The following KCNMA1 variants were observed in gnomAD, a reference collection of about 807,000 sequenced individuals.
The protein encoded by KCNMA1 is potassium calcium-activated channel subfamily M alpha 1, also known as Calcium-activated potassium channel subunit alpha-1.
In KCNMA1, 29 loss-of-function variants were observed where a neutral mutation model predicts 140.0. The ratio of observed to expected loss-of-function variants is 0.21; its 90% CI spans 0.15 to 0.28. The LOEUF (loss-of-function observed/expected upper bound fraction) is 0.28, where lower values mean the gene tolerates loss of function less well. Ranked by LOEUF, KCNMA1 falls within the 10% of genes least tolerant of loss-of-function variation. The pLI is 1.00. For synonymous variants in KCNMA1, 612 were observed against 611.9 expected (o/e 1.00, Z 0.00); for missense variants, 880 against 1,602.2 (o/e 0.55, Z 7.70).
At chr10:77,581,648 C>T (rs116365514) in intron 1 of KCNMA1, among the ~76,000 whole-genome samples, 2,240 of 152,324 alleles carry the variant, frequency 0.015, 63 homozygotes, top group African/African-American at 0.051. Flanking sequence ...CAGTTGGTGG[C>T]CTGGGCCCAC....
chr10:77,401,029 C>T (rs529017640), intron 2 of KCNMA1, among the ~76,000 whole-genome samples: 67 of 152,066 alleles, frequency 4.4e-4, no homozygotes, highest in African/African-American at 1.5e-3. Context: ...TAGCTTACTG[C>T]CCTAACTTGT....
At chr10:77,506,067 C>T (rs1373161091) in intron 1 of KCNMA1, among the ~76,000 whole-genome samples, 1 of 152,188 alleles carries the variant, frequency 6.6e-6, no homozygotes, top group African/African-American at 2.4e-5. Context: ...TCTCTCATTT[C>T]CTCTTAGGGA....
chr10:76,884,052 A>G, downstream of KCNMA1: 1 of 893,440 alleles, frequency 1.1e-6, no homozygotes, highest in Non-Finnish European at 1.3e-6. Context: ...CTCTTATCAT[A>G]GTCTGTTCCC....
At chr10:77,035,327 C>T (rs757645632) in intron 15 of KCNMA1, among the ~76,000 whole-genome samples, 1 of 152,114 alleles carries the variant, frequency 6.6e-6, no homozygotes, top group Non-Finnish European at 1.5e-5. Flanking sequence ...GGAAGAACCC[C>T]CATGTCCCCC....
At chr10:77,288,018 G>A (rs534679728) in intron 2 of KCNMA1, among the ~76,000 whole-genome samples, 1 of 152,312 alleles carries the variant, frequency 6.6e-6, no homozygotes, top group Admixed American at 6.5e-5. Flanking sequence ...ATCACTCCTG[G>A]TTGGCAAACA....
intron 3 of KCNMA1, among the ~76,000 whole-genome samples, chr10:77,204,790 C>T (rs745351910): frequency 7.9e-5 from 12 of 152,122 alleles, no homozygotes; most frequent in South Asian, 2.1e-4. Flanking sequence ...AAGCTTTCCC[C>T]GTGAGGTAGT....
chr10:77,631,838 T>C (rs1244072611), intron 1 of KCNMA1, among the ~76,000 whole-genome samples: 2 of 152,100 alleles, frequency 1.3e-5, no homozygotes, highest in Admixed American at 1.3e-4. Context: ...GTATGTTTGG[T>C]CAAGTTTCCT....
intron 5 of KCNMA1, among the ~76,000 whole-genome samples, chr10:77,132,546 A>G (rs1051989731): frequency 2.2e-5 from 3 of 135,784 alleles, no homozygotes; most frequent in Non-Finnish European, 4.6e-5. Flanking sequence ...TTTTTTTGAG[A>G]TGGAGTCTGG....
chr10:76,958,943 G>C (rs1411577000), intron 20 of KCNMA1, among the ~76,000 whole-genome samples: 1 of 152,124 alleles, frequency 6.6e-6, no homozygotes, highest in Admixed American at 6.5e-5. Context: ...AAGGCCCCCG[G>C]CTGCCCTTCT....
At chr10:77,574,910 A>T (rs2073454828) in intron 1 of KCNMA1, among the ~76,000 whole-genome samples, 1 of 152,148 alleles carries the variant, frequency 6.6e-6, no homozygotes, top group Non-Finnish European at 1.5e-5. Flanking sequence ...GCCTGCTTGG[A>T]GTGGGAGCTG....
At chr10:77,410,613 A>G (rs2096596896) in intron 1 of KCNMA1, among the ~76,000 whole-genome samples, 1 of 152,162 alleles carries the variant, frequency 6.6e-6, no homozygotes, top group East Asian at 1.9e-4. Context: ...ACACCCTCCT[A>G]TGGCTTCTTG....
chr10:77,290,633 GT>G (rs2072890498), intron 2 of KCNMA1, among the ~76,000 whole-genome samples: 1 of 152,192 alleles, frequency 6.6e-6, no homozygotes, highest in East Asian at 1.9e-4. Flanking sequence ...GAGCAAGTTT[GT>G]CCCTCAAAAC....
At chr10:77,198,561 T>C (rs1258833069) in intron 3 of KCNMA1, among the ~76,000 whole-genome samples, 1 of 84,330 alleles carries the variant, frequency 1.2e-5, no homozygotes, top group Non-Finnish European at 2.5e-5. Context: ...AAAAAGCATA[T>C]ATATGTGATA....
chr10:77,144,406 T>C (rs2098247720), intron 5 of KCNMA1, among the ~76,000 whole-genome samples: 3 of 152,314 alleles, frequency 2.0e-5, no homozygotes, highest in Admixed American at 2.0e-4. Context: ...GATAGTGATT[T>C]TTTTATGTTC....
chr10:77,062,821 G>A (rs533978119), intron 14 of KCNMA1, among the ~76,000 whole-genome samples: 8 of 152,330 alleles, frequency 5.3e-5, no homozygotes, highest in African/African-American at 1.9e-4. Flanking sequence ...AAACAAAGCA[G>A]TGTTTACATT....
At chr10:76,887,799 C>G (rs895760622) in intron 27 of KCNMA1, 1 of 450,530 alleles carries the variant, frequency 2.2e-6, no homozygotes, top group South Asian at 2.2e-5. Flanking sequence ...ATGTACCTTT[C>G]TATACAAGGT....
chr10:77,139,110 C>T (rs557774987), intron 5 of KCNMA1, among the ~76,000 whole-genome samples: 1 of 152,176 alleles, frequency 6.6e-6, no homozygotes, highest in Non-Finnish European at 1.5e-5. Context: ...AGTGAGTACT[C>T]ACTACTGAAA....
chr10:77,619,615 C>T (rs1361867884), intron 1 of KCNMA1, among the ~76,000 whole-genome samples: 1 of 152,128 alleles, frequency 6.6e-6, no homozygotes, highest in East Asian at 1.9e-4. Context: ...TGACCAGCCA[C>T]CACATTGAGC....
chr10:76,949,962 G>A (rs796468460), intron 21 of KCNMA1, among the ~76,000 whole-genome samples: 8 of 152,064 alleles, frequency 5.3e-5, no homozygotes, highest in African/African-American at 1.9e-4. Context: ...TCTTTTGTAT[G>A]TTCAGTGAGC....
Sources: allele counts gnomAD v4.1 joint callset (sites outside exome capture counted in the v4.1 genomes callset), GRCh38; gene constraint gnomAD v4.1.1; transcripts MANE v1.5; gene names NCBI Gene and HGNC (gene_info 2026-07-23, HGNC 2026-07-21).